The following CPNE4 variants were observed in gnomAD, a reference collection of about 807,000 sequenced individuals.
The protein encoded by CPNE4 is copine-4.
A neutral mutation model predicts 67.9 loss-of-function variants in CPNE4; 25 were observed. The observed-to-expected ratio is 0.37, with a 90% CI of 0.27 to 0.51. The LOEUF (loss-of-function observed/expected upper bound fraction) is 0.51, where lower values mean the gene tolerates loss of function less well. Among genes scored for constraint, CPNE4 ranks in the 20% least tolerant of loss-of-function variants. CPNE4 has a pLI of 0.93. For synonymous variants in CPNE4, 242 were observed against 244.9 expected, an observed-to-expected ratio of 0.99 and a Z score of 0.11; for missense variants, 464 against 690.8, an observed-to-expected ratio of 0.67 and a Z score of 3.68.
At chr3:131,641,738 G>A (rs980385910) in intron 7 of CPNE4, among the ~76,000 whole-genome samples, 1 of 152,140 alleles carries the variant, frequency 6.6e-6, no homozygotes, top group Non-Finnish European at 1.5e-5. Flanking sequence ...ATTCGCAATT[G>A]CAAAAATATG....
At chr3:131,551,596 G>C (rs929227642) in intron 13 of CPNE4, among the ~76,000 whole-genome samples, 1 of 151,982 alleles carries the variant, frequency 6.6e-6, no homozygotes, top group African/African-American at 2.4e-5. Context: ...TTGGGTCTTG[G>C]AGGTTACTGT....
intron 1 of CPNE4, among the ~76,000 whole-genome samples, chr3:131,972,914 C>T (rs376862868): frequency 3.3e-5 from 5 of 152,152 alleles, no homozygotes; most frequent in African/African-American, 9.7e-5. Flanking sequence ...CTAATACAAT[C>T]GGTTTTACTC....
chr3:131,802,260 T>C (rs2084159450), intron 2 of CPNE4, among the ~76,000 whole-genome samples: 1 of 152,196 alleles, frequency 6.6e-6, no homozygotes, highest in Non-Finnish European at 1.5e-5. Flanking sequence ...TATGTCACTG[T>C]TCTGCGGTTA....
intron 7 of CPNE4, among the ~76,000 whole-genome samples, chr3:131,650,276 G>A (rs887746208): frequency 6.6e-6 from 1 of 152,072 alleles, no homozygotes; most frequent in African/African-American, 2.4e-5. Context: ...CATCACCTTT[G>A]CCATATCTAT....
chr3:131,898,899 T>C (rs975381688), intron 2 of CPNE4, among the ~76,000 whole-genome samples: 6 of 152,084 alleles, frequency 3.9e-5, no homozygotes, highest in African/African-American at 9.7e-5. Context: ...TAAAGCAACA[T>C]CAAAGTTTTC....
chr3:131,609,850 T>C (rs1939730987), intron 7 of CPNE4, among the ~76,000 whole-genome samples: 1 of 152,092 alleles, frequency 6.6e-6, no homozygotes, highest in African/African-American at 2.4e-5. Flanking sequence ...TAGCTTTCAT[T>C]CCAGACCAGG....
intron 2 of CPNE4, among the ~76,000 whole-genome samples, chr3:131,768,015 C>T (rs2083066963): frequency 6.6e-6 from 1 of 152,014 alleles, no homozygotes; most frequent in African/African-American, 2.4e-5. Flanking sequence ...CTCAATGCAG[C>T]CACTGACTAG....
chr3:131,765,192 G>A (rs1359547446), intron 2 of CPNE4, among the ~76,000 whole-genome samples: 1 of 152,098 alleles, frequency 6.6e-6, no homozygotes, highest in Non-Finnish European at 1.5e-5. Context: ...GAACTCATAA[G>A]CATTAGTGGA....
intron 6 of CPNE4, among the ~76,000 whole-genome samples, chr3:131,672,377 C>A (rs2080441226): frequency 6.6e-6 from 1 of 152,010 alleles, no homozygotes; most frequent in African/African-American, 2.4e-5. Flanking sequence ...TATGGTTGTT[C>A]TATTTTTAAT....
At chr3:131,872,608 A>C (rs1372656754) in intron 2 of CPNE4, among the ~76,000 whole-genome samples, 2 of 152,200 alleles carry the variant, frequency 1.3e-5, no homozygotes, top group Admixed American at 6.5e-5. Context: ...TTCTAGAAAT[A>C]ATCAGTCACC....
At chr3:132,029,663 C>T (rs2887466) in intron 1 of CPNE4, among the ~76,000 whole-genome samples, 79,638 of 152,022 alleles carry the variant, frequency 0.52, 21,328 homozygotes, top group South Asian at 0.62. Context: ...TAAACCTGAG[C>T]TTTCTAAAGT....
At chr3:131,705,540 A>C (rs1437223991) in intron 3 of CPNE4, among the ~76,000 whole-genome samples, 2 of 152,354 alleles carry the variant, frequency 1.3e-5, no homozygotes, top group African/African-American at 2.4e-5. Context: ...TGAGGAAGGC[A>C]CAATGCTGAC....
chr3:131,597,697 C>T, intron 7 of CPNE4, among the ~76,000 whole-genome samples: 1 of 152,260 alleles, frequency 6.6e-6, no homozygotes, highest in South Asian at 2.1e-4. Context: ...TATCATTTTT[C>T]CAGGTAAAGT....
intron 7 of CPNE4, among the ~76,000 whole-genome samples, chr3:131,588,111 T>A (rs570026383): frequency 6.6e-6 from 1 of 152,266 alleles, no homozygotes; most frequent in South Asian, 2.1e-4. Flanking sequence ...ACAAAAATTA[T>A]TAGGAAGGCA....
chr3:131,700,958 G>T (rs552148410), intron 3 of CPNE4, among the ~76,000 whole-genome samples: 246 of 152,042 alleles, frequency 1.6e-3, no homozygotes, highest in African/African-American at 5.8e-3. Flanking sequence ...CATGGATGAA[G>T]CTGGAAACCA....
chr3:131,737,552 T>A (rs1390649191), intron 2 of CPNE4, among the ~76,000 whole-genome samples: 1 of 152,150 alleles, frequency 6.6e-6, no homozygotes, highest in Non-Finnish European at 1.5e-5. Context: ...AATGATCAAG[T>A]GATTGATGTT....
intron 8 of CPNE4, among the ~76,000 whole-genome samples, chr3:131,584,448 A>G (rs1938045721): frequency 6.6e-6 from 1 of 152,098 alleles, no homozygotes; most frequent in African/African-American, 2.4e-5. Flanking sequence ...TACTCCCTAT[A>G]TCCAAGCCTT....
At chr3:131,753,573 T>C (rs983403373) in intron 2 of CPNE4, among the ~76,000 whole-genome samples, 8 of 151,960 alleles carry the variant, frequency 5.3e-5, no homozygotes, top group Middle Eastern at 3.2e-3. Context: ...ATGTTGAAAA[T>C]TGTTAAGAGA....
At chr3:131,658,959 T>C (rs888474542) in intron 7 of CPNE4, among the ~76,000 whole-genome samples, 2 of 152,174 alleles carry the variant, frequency 1.3e-5, no homozygotes, top group Admixed American at 1.3e-4. Flanking sequence ...ACTGACTCAA[T>C]GAAAAGGCAT....
Sources: gnomAD v4.1 joint callset for allele counts (sites outside exome capture counted in the v4.1 genomes callset) on GRCh38, gnomAD v4.1.1 for gene constraint, MANE v1.5 for transcripts, NCBI Gene and HGNC (gene_info 2026-07-23, HGNC 2026-07-21) for gene names.